SNX29: variants seen among roughly 807,000 people sequenced by gnomAD.
SNX29 encodes sorting nexin 29.
A neutral mutation model predicts 102.1 loss-of-function variants in SNX29; 78 were observed. That is an observed-to-expected ratio of 0.76 (90% CI 0.64 to 0.92). SNX29 has a LOEUF of 0.92. SNX29 is among the 40% of genes least tolerant of loss of function. The probability of loss-of-function intolerance (pLI) is 0.00; values close to 1 mark genes in which losing one functional copy is unlikely to be tolerated. For synonymous variants in SNX29, 580 were observed against 414.5 expected (o/e 1.40, Z -4.85); for missense variants, 1,280 against 1,061.7 (o/e 1.21, Z -2.86).
intron 8 of SNX29, among the ~76,000 whole-genome samples, chr16:12,060,322 T>C (rs1470899637): frequency 6.6e-6 from 1 of 152,124 alleles, no homozygotes; most frequent in Admixed American, 6.5e-5. Context: ...CTAGGCGAGG[T>C]GTCTTATGCC....
intron 19 of SNX29, among the ~76,000 whole-genome samples, chr16:12,483,770 C>A (rs1488067659): frequency 6.6e-6 from 1 of 152,144 alleles, no homozygotes; most frequent in African/African-American, 2.4e-5. Context: ...GTGCTGGGTT[C>A]CAGGCTGCTG....
intron 14 of SNX29, among the ~76,000 whole-genome samples, chr16:12,241,691 A>C (rs1034155038): frequency 3.5e-4 from 54 of 152,144 alleles, no homozygotes; most frequent in Non-Finnish European, 6.8e-4. Flanking sequence ...CAAACTCCTG[A>C]CCTCAAGTGA....
chr16:12,309,859 A>G lies in SNX29; in HGVS notation c.1782+31823A>G, dbSNP rs193007357. 8.4e-4 allele frequency among the ~76,000 whole-genome samples: 128 copies of G among 152,222 alleles called. 6 individuals are homozygous for G. The South Asian group carries it at 0.023, about 27-fold the overall frequency. On this transcript the variant is annotated intron_variant, in intron 15 of 20. Transcript: ENST00000566228. ...CATGCAGTGCCTTTGACCATCCCCT[A>G]CCCTTGGTCTGAAGTCTGTGTGTAT... is the stretch of plus-strand genomic sequence containing the variant.
chr16:12,044,691 G>T (rs752414693), intron 5 of SNX29, among the ~76,000 whole-genome samples: 20 of 152,120 alleles, frequency 1.3e-4, no homozygotes, highest in Non-Finnish European at 1.9e-4. Context: ...CGATTCTCCT[G>T]CCTCAGCCTC....
At chr16:12,115,930 C>G (rs2053680808) in intron 11 of SNX29, among the ~76,000 whole-genome samples, 1 of 152,210 alleles carries the variant, frequency 6.6e-6, no homozygotes, top group Non-Finnish European at 1.5e-5. Flanking sequence ...GTCTTCCTTT[C>G]CACCCTCGTC....
At chr16:12,104,285 G>C (rs2053139333) in intron 11 of SNX29, among the ~76,000 whole-genome samples, 1 of 152,202 alleles carries the variant, frequency 6.6e-6, no homozygotes, top group African/African-American at 2.4e-5. Context: ...TCCAGGTGTG[G>C]TGGCTCATGC....
intron 14 of SNX29, among the ~76,000 whole-genome samples, chr16:12,233,893 A>G (rs1407273886): frequency 6.6e-6 from 1 of 152,146 alleles, no homozygotes; most frequent in Non-Finnish European, 1.5e-5. Flanking sequence ...CATTTAGCAT[A>G]AGGTTTTCAA....
intron 9 of SNX29, among the ~76,000 whole-genome samples, chr16:12,066,116 T>C (rs528532849): frequency 6.6e-6 from 1 of 152,290 alleles, no homozygotes; most frequent in Admixed American, 6.5e-5. Context: ...CATTGAAGGC[T>C]GGGTGGGTCC....
intron 15 of SNX29, among the ~76,000 whole-genome samples, chr16:12,278,899 A>AC (rs2079341428): frequency 6.6e-6 from 1 of 152,238 alleles, no homozygotes; most frequent in South Asian, 2.1e-4. Flanking sequence ...AAAGAGGACA[A>AC]CCAGATAATT....
intron 18 of SNX29, among the ~76,000 whole-genome samples, chr16:12,405,367 G>A (rs868686184): frequency 2.0e-5 from 3 of 152,086 alleles, no homozygotes; most frequent in African/African-American, 7.2e-5. Flanking sequence ...TTCCACAGTG[G>A]CCACTGTGGC....
At chr16:12,071,420 A>C (rs1212174269) in intron 10 of SNX29, among the ~76,000 whole-genome samples, 3 of 152,314 alleles carry the variant, frequency 2.0e-5, no homozygotes, top group East Asian at 3.9e-4. Flanking sequence ...CATTTATTAA[A>C]TAGGGAATCC....
intron 20 of SNX29, chr16:12,526,786 C>T (rs141049414): frequency 1.9e-4 from 78 of 421,262 alleles, no homozygotes; most frequent in Non-Finnish European, 2.6e-4. Context: ...TCCCCCACCC[C>T]CTGCGGGGTC....
chr16:11,996,299 G>T (rs1251869711), intron 1 of SNX29, among the ~76,000 whole-genome samples: 1 of 152,124 alleles, frequency 6.6e-6, no homozygotes, highest in Non-Finnish European at 1.5e-5. Context: ...CAGGAGAGTC[G>T]ATTGAACCCA....
At chr16:12,513,229 C>T (rs965753233) in intron 19 of SNX29, among the ~76,000 whole-genome samples, 17 of 151,186 alleles carry the variant, frequency 1.1e-4, no homozygotes, top group Non-Finnish European at 2.4e-4. Context: ...TGCCTTTCTC[C>T]TGCCCTGCTT....
intron 18 of SNX29, among the ~76,000 whole-genome samples, chr16:12,410,102 C>A (rs566521922): frequency 1.3e-5 from 2 of 152,256 alleles, no homozygotes; most frequent in African/African-American, 2.4e-5. Flanking sequence ...TCAAGTGATT[C>A]TCCTGCCTCA....
At chr16:12,229,599 G>T (rs539533149) in intron 14 of SNX29, among the ~76,000 whole-genome samples, 49 of 145,000 alleles carry the variant, frequency 3.4e-4, no homozygotes, top group Admixed American at 5.5e-4. Context: ...GAATGGTGGG[G>T]TTTTTTTTTT....
At chr16:12,210,724 G>GTTCCCTCCCTCCCTCA (rs772533438) in intron 14 of SNX29, among the ~76,000 whole-genome samples, 1 of 151,568 alleles carries the variant, frequency 6.6e-6, no homozygotes, top group Non-Finnish European at 1.5e-5. Flanking sequence ...TCTCTCACAT[G>GTTCCCTCCCTCCCTCA]TTCCCTCCCT....
At chr16:12,484,131 A>T (rs1310531027) in intron 19 of SNX29, among the ~76,000 whole-genome samples, 1 of 152,162 alleles carries the variant, frequency 6.6e-6, no homozygotes, top group Non-Finnish European at 1.5e-5. Context: ...TCCCTGCTTA[A>T]GTCATTCTCT....
intron 11 of SNX29, among the ~76,000 whole-genome samples, chr16:12,094,608 G>A (rs887672972): frequency 3.3e-5 from 5 of 152,274 alleles, no homozygotes; most frequent in Middle Eastern, 3.4e-3. Flanking sequence ...GGGGGTGATT[G>A]CAACCCCCAG....
Sources: allele counts gnomAD v4.1 joint callset (sites outside exome capture counted in the v4.1 genomes callset), GRCh38; gene constraint gnomAD v4.1.1; transcripts MANE v1.5; gene names NCBI Gene and HGNC (gene_info 2026-07-23, HGNC 2026-07-21).